Variants in LRSAM1 observed in about 807,000 individuals in gnomAD.
LRSAM1 encodes the protein leucine rich repeat and sterile alpha motif containing 1, also known as E3 ubiquitin-protein ligase LRSAM1.
LRSAM1 carries 96 observed loss-of-function variants against 118.1 expected under a neutral mutation model. The ratio of observed to expected loss-of-function variants is 0.81; its 90% CI spans 0.69 to 0.96. The LOEUF is 0.96. LRSAM1 is among the 40% of genes least tolerant of loss of function. LRSAM1 has a pLI of 0.00. For synonymous variants in LRSAM1, 322 were observed against 364.2 expected (o/e 0.88, Z 1.32); for missense variants, 804 against 915.5 (o/e 0.88, Z 1.57).
In LRSAM1 at chr9:127,461,245, C is replaced by G. The variant is rs777840588; in HGVS notation, c.394C>G (p.Leu132Val). 6.2e-7 allele frequency: 1 copy of G among 1,611,784 alleles called. No homozygotes were observed. Among genetic ancestry groups the G allele is most frequent in the East Asian group, 2.2e-5 (1 of 44,782 alleles). Residue 132 changes from leucine to valine, a missense_variant, in exon 8 of 26, where the codon CTC becomes GTC. By Grantham distance (32) the Leu-to-Val change is conservative (BLOSUM62 1). Coordinates refer to ENST00000300417, the MANE Select transcript of LRSAM1 (RefSeq NM_001005373.4). ...TGGGAACCTGACCCAGCTCCAGACT[C>G]TCAATGTTAAAGGTAGGGACCAAGA... is the stretch of plus-strand genomic sequence containing the variant. ...SIGNLTQLQTLNVKDNKLKEL... is the reference protein window; with the variant it reads ...SIGNLTQLQTVNVKDNKLKEL...
At chr9:127,494,979 T>C (rs1017487913) in intron 21 of LRSAM1, among the ~76,000 whole-genome samples, 1 of 152,140 alleles carries the variant, frequency 6.6e-6, no homozygotes, top group Non-Finnish European at 1.5e-5. Context: ...GAGACGGAGT[T>C]TCGCTCTTGT....
intron 16 of LRSAM1, among the ~76,000 whole-genome samples, chr9:127,484,172 A>G (rs1835639993): frequency 6.6e-6 from 1 of 151,748 alleles, no homozygotes; most frequent in African/African-American, 2.4e-5. Flanking sequence ...GTGGAATCAT[A>G]CAATATTTCT....
At chr9:127,477,403 C>T (rs1835380317) in intron 11 of LRSAM1, among the ~76,000 whole-genome samples, 3 of 152,178 alleles carry the variant, frequency 2.0e-5, no homozygotes, top group Admixed American at 2.0e-4. Context: ...TTTTATAATT[C>T]AGAGACTGAT....
intron 11 of LRSAM1, among the ~76,000 whole-genome samples, chr9:127,477,252 G>A (rs1835376422): frequency 6.6e-6 from 1 of 152,216 alleles, no homozygotes; most frequent in Admixed American, 6.5e-5. Context: ...GGAGTGGTCA[G>A]TAGATGCTTT....
At position 127,479,451 on chromosome 9, in the gene LRSAM1, G is replaced by T; in HGVS notation, c.849G>T (p.Gln283His). The T allele has an allele frequency of 1.9e-6, 3 of 1,614,116 alleles. No homozygotes were observed. The highest frequency in any genetic ancestry group is 1.7e-6 in the Non-Finnish European group (2 of 1,180,028). The part of the protein sequence containing the change: ...RLELGQREHT[Q>H]LLQQSSSQKD... ...AACTGGGGCAGCGGGAGCACACCCA[G>T]CTCCTTCAGCAGAGCAGCAGCCAGA... Residue 283 changes from glutamine (Q) to histidine (H), a missense_variant, in exon 13 of 26, where the codon CAG (glutamine) becomes CAT (histidine). By Grantham distance (24) the Gln-to-His change is conservative (BLOSUM62 0). Coordinates refer to ENST00000300417, the MANE Select transcript of LRSAM1 (RefSeq NM_001005373.4).
chr9:127,458,950 G>A (rs367802505), intron 6 of LRSAM1, 53 bp from the exon 7 acceptor site: 97 of 1,595,418 alleles, frequency 6.1e-5, no homozygotes, highest in Non-Finnish European at 6.8e-5. Context: ...TCTGGAGCCC[G>A]GAGTCTGAGG....
chr9:127,467,794 G>A lies in LRSAM1; in HGVS notation c.583G>A (p.Ala195Thr). Reference sequence around the variant, plus strand: ...CTACCCGCCGCGGGAGGTGTGTGGTGCCGGCACTGCGGCCATCTTGCAGTT... The same window carrying A: ...CTACCCGCCGCGGGAGGTGTGTGGTACCGGCACTGCGGCCATCTTGCAGTT... Reference protein sequence around the residue: ...MVYPPREVCGAGTAAILQFLC... With the variant: ...MVYPPREVCGTGTAAILQFLC... Residue 195 changes from alanine to threonine, a missense_variant, in exon 10 of 26, where the codon GCC (alanine) becomes ACC (threonine). By Grantham distance (58) the Ala-to-Thr change is moderately conservative (BLOSUM62 0). Transcript: ENST00000300417. 1 of 1,608,658 alleles carries A rather than the reference G, an allele frequency of 6.2e-7. No homozygotes were observed. Among genetic ancestry groups the A allele is most frequent in the South Asian group, 1.1e-5 (1 of 89,912 alleles).
Position 127,492,882 on chromosome 9 carries a change from G to C in LRSAM1, c.1584G>C (p.Glu528Asp), listed in dbSNP as rs764516956. 1.9e-6 allele frequency: 3 copies of C among 1,613,914 alleles called. No homozygotes were observed. The highest frequency in any genetic ancestry group is 2.5e-6 in the Non-Finnish European group (3 of 1,180,020). The change falls in exon 21 of 26, where the codon GAG (glutamate) becomes GAC (aspartate). Residue 528 changes from glutamate to aspartate, a missense_variant. Coordinates refer to ENST00000300417, the MANE Select transcript of LRSAM1 (RefSeq NM_001005373.4). ...LLKEKQQREE[E>D]LREILTELEA... ...AAGAGAAGCAGCAGCGAGAGGAAGA[G>C]CTCCGGGAAATCCTGGTATGTGTTT... is the stretch of plus-strand genomic sequence containing the variant.
rs1171572511 is a variant in LRSAM1, at chr9:127,458,389, AAAAACAAAACAAAAC to A, written c.253-594_253-580del. On this transcript the variant is annotated intron_variant, in intron 6 of 25. Transcript: ENST00000300417. ...GGGCGACAGAGCGAGACTTCGTCTC[AAAAACAAAACAAAAC>A]AAAACAAAACAAAACAAAAAAAAAC... Among the ~76,000 whole-genome samples, 3 of 144,674 alleles carry A rather than the reference AAAAACAAAACAAAAC, an allele frequency of 2.1e-5. 1 individual carries two copies. The highest frequency in any genetic ancestry group is 3.0e-5 in the Non-Finnish European group (2 of 66,582). The allele number at this position is 144,674 out of a possible 152,430, so 94.9% of individuals were successfully genotyped here.
At chr9:127,502,008 G>A (rs907324706) in intron 25 of LRSAM1, among the ~76,000 whole-genome samples, 1 of 152,248 alleles carries the variant, frequency 6.6e-6, no homozygotes, top group Non-Finnish European at 1.5e-5. Context: ...CTGAAAGCAG[G>A]AGATGCTGAG....
chr9:127,461,281 G>A lies in LRSAM1; in HGVS notation c.406+24G>A, dbSNP rs117528271. On this transcript the variant is annotated intron_variant, in intron 8 of 25. Coordinates refer to ENST00000300417, the MANE Select transcript of LRSAM1 (RefSeq NM_001005373.4). ...AGGTAGGGACCAAGAAGCCGTGTCCGTGTGACCCTCCATCAGCTCTGGGCC... is the reference window on the plus strand; with the variant it reads ...AGGTAGGGACCAAGAAGCCGTGTCCATGTGACCCTCCATCAGCTCTGGGCC... 1.3e-3 allele frequency: 2,099 copies of A among 1,600,562 alleles called. 41 individuals carry two copies. The East Asian group carries it at 0.043, about 33-fold the overall frequency.
At chr9:127,482,235 C>T (rs1000216841) in intron 15 of LRSAM1, among the ~76,000 whole-genome samples, 2 of 151,344 alleles carry the variant, frequency 1.3e-5, no homozygotes, top group Admixed American at 1.3e-4. Flanking sequence ...CTCCACCTCC[C>T]AGGTTCAGGC....
intron 6 of LRSAM1, among the ~76,000 whole-genome samples, chr9:127,457,711 G>A (rs2243898): frequency 2.6e-5 from 4 of 152,016 alleles, no homozygotes; most frequent in Non-Finnish European, 5.9e-5. Context: ...GGAGGGACGC[G>A]CAGGTGATCT....
At chr9:127,463,722 A>G (rs1834833762) in intron 9 of LRSAM1, among the ~76,000 whole-genome samples, 1 of 152,206 alleles carries the variant, frequency 6.6e-6, no homozygotes, top group Admixed American at 6.5e-5. Flanking sequence ...GGAGGGGGAC[A>G]TAGTTCAGCC....
At chr9:127,496,315 G>A (rs190555589) in intron 23 of LRSAM1, among the ~76,000 whole-genome samples, 138 of 152,332 alleles carry the variant, frequency 9.1e-4, no homozygotes, top group Admixed American at 2.1e-3. Context: ...GGGGAGGTGG[G>A]TCCTGCTGAC....
intron 18 of LRSAM1, 102 bp downstream of exon 18, chr9:127,487,865 T>G: frequency 1.1e-6 from 1 of 896,112 alleles, no homozygotes; most frequent in Non-Finnish European, 1.6e-6. Flanking sequence ...AGACAGCATG[T>G]GGGACCACAG....
intron 10 of LRSAM1, among the ~76,000 whole-genome samples, chr9:127,473,105 A>G (rs1217741328): frequency 6.6e-6 from 1 of 152,104 alleles, no homozygotes; most frequent in Non-Finnish European, 1.5e-5. Flanking sequence ...TTCTAATGTC[A>G]CTTCCTTGAT....
At chr9:127,489,342 C>A in intron 18 of LRSAM1, 102 bp from the exon 19 acceptor site, 1 of 1,350,190 alleles carries the variant, frequency 7.4e-7, no homozygotes, top group Non-Finnish European at 1.0e-6. Flanking sequence ...AAAACCCATC[C>A]ATTAAGGTGC....
chr9:127,464,492 A>C (rs759062514), intron 9 of LRSAM1, among the ~76,000 whole-genome samples: 2 of 152,170 alleles, frequency 1.3e-5, no homozygotes, highest in Non-Finnish European at 2.9e-5. Flanking sequence ...TTGTGTGTAC[A>C]GCCAGGAACT....
Sources: allele counts gnomAD v4.1 joint callset (sites outside exome capture counted in the v4.1 genomes callset), GRCh38; gene constraint gnomAD v4.1.1; transcripts MANE v1.5; gene names NCBI Gene and HGNC (gene_info 2026-07-23, HGNC 2026-07-21).